IL11RA: variants seen among roughly 807,000 people sequenced by gnomAD.
IL11RA encodes the protein interleukin-11 receptor subunit alpha.
IL11RA carries 51 observed loss-of-function variants against 57.0 expected under a neutral mutation model. That is an observed-to-expected ratio of 0.89 (90% CI 0.71 to 1.13). IL11RA has a LOEUF of 1.13. IL11RA is among the 50% of genes most tolerant of loss of function. The pLI is 0.00. For synonymous variants in IL11RA, 199 were observed against 217.5 expected, an observed-to-expected ratio of 0.91 and a Z score of 0.75; for missense variants, 498 against 539.4, an observed-to-expected ratio of 0.92 and a Z score of 0.76.
Position 34,658,611 on chromosome 9 carries a change from G to C in IL11RA, c.738G>C (p.Trp246Cys). The C allele has an allele frequency of 1.2e-6, 2 of 1,614,090 alleles. No individual in the cohort carries two copies. Among genetic ancestry groups the C allele is most frequent in the Non-Finnish European group, 1.7e-6 (2 of 1,180,034 alleles). The stretch of plus-strand genomic sequence containing the variant: ...CCAGCTGGACATACCCTGCCTCCTG[G>C]CCGTGCCAGCCCCACTTCCTGCTCA... ...LRASWTYPAS[W>C]PCQPHFLLKF... The change falls in exon 8 of 13, where the codon TGG becomes TGC. Residue 246 changes from tryptophan (W) to cysteine (C), a missense_variant. Physicochemically the swap from Trp to Cys is radical, Grantham distance 215. Transcript: ENST00000441545. The surrounding 1 kb of genome is among the most constrained non-coding windows in gnomAD (Gnocchi z 4.0).
chr9:34,655,351 C>G (rs780732159), intron 2 of IL11RA, 34 bp downstream of exon 2: 3 of 1,309,824 alleles, frequency 2.3e-6, no homozygotes, highest in Non-Finnish European at 3.3e-6. Context: ...CCTCCCAACT[C>G]TGACTTGTGA....
At chr9:34,657,357 G>A (rs990584599) in intron 6 of IL11RA, 22 bp downstream of exon 6, 2 of 1,614,108 alleles carry the variant, frequency 1.2e-6, no homozygotes, top group Non-Finnish European at 8.5e-7. Context: ...GGGAGCATGT[G>A]GGGGCTCCAG....
intron 12 of IL11RA, 122 bp from the exon 13 acceptor site, chr9:34,661,359 TG>T: frequency 9.6e-7 from 1 of 1,037,580 alleles, no homozygotes; most frequent in Non-Finnish European, 1.5e-6. Flanking sequence ...CCCTCAGAGC[TG>T]GGCTCCTCTA....
At position 34,655,329 on chromosome 9, in the gene IL11RA, C is replaced by G. The variant is rs376681306; in HGVS notation, c.100+12C>G. The G allele has an allele frequency of 3.2e-5, 47 of 1,468,402 alleles. No homozygotes were observed. The Admixed American group carries it at 6.8e-4, about 21-fold the overall frequency. The allele number at this position is 1,468,402 out of a possible 1,614,324, so 91.0% of individuals were successfully genotyped here. ...CTGGGGCCCCCCAGGTGAGAAGAAC[C>G]CTGCTCTACAACCTCCCAACTCTGA... is the stretch of plus-strand genomic sequence containing the variant. On this transcript the variant is annotated intron_variant, in intron 2 of 12. Coordinates refer to ENST00000441545, the MANE Select transcript of IL11RA (RefSeq NM_001142784.3).
At position 34,660,362 on chromosome 9, in the gene IL11RA, G is replaced by A. The variant is rs1821430812; in HGVS notation, c.1041G>A (p.Arg347=). Reference sequence around the variant, plus strand: ...AGGTGGACAGCCCTGCTCCTCCAAGGCCCTCCCTCCAACCACACCCTCGGC... The same window carrying A: ...AGGTGGACAGCCCTGCTCCTCCAAGACCCTCCCTCCAACCACACCCTCGGC... ...EPQVDSPAPP[R]PSLQPHPRLL... Residue 347 remains arginine, a synonymous_variant, in exon 10 of 13, where the codon AGG becomes AGA. Transcript: ENST00000441545. 2.5e-6 allele frequency: 4 copies of A among 1,614,014 alleles called. No individual in the cohort carries two copies. The African/African-American group carries it at 5.3e-5, about 22-fold the overall frequency.
In IL11RA at chr9:34,658,435, C is replaced by G; in HGVS notation, c.647-85C>G. 3.7e-6 allele frequency: 5 copies of G among 1,368,040 alleles called. No individual in the cohort carries two copies. The highest frequency in any genetic ancestry group is 4.6e-5 in the East Asian group (2 of 43,724). The allele number at this position is 1,368,040 out of a possible 1,614,324, so 84.7% of individuals were successfully genotyped here. A position where few individuals can be genotyped will look rare whatever the true frequency, so the allele number is the denominator to read the frequency against. On this transcript the variant is annotated intron_variant, in intron 7 of 12. Transcript: ENST00000441545. This position sits in a 1 kb window ranked among gnomAD's most constrained non-coding sequence, Gnocchi z 4.0. ...CCCTCTCAGGAGTGTCTGGCTAAGGCTCCTTTAAACACACACTTTGGGAAG... is the reference window on the plus strand; with the variant it reads ...CCCTCTCAGGAGTGTCTGGCTAAGGGTCCTTTAAACACACACTTTGGGAAG...
chr9:34,656,995 T>G (rs111658229), intron 4 of IL11RA, 40 bp from the exon 5 acceptor site: 1 of 1,606,600 alleles, frequency 6.2e-7, no homozygotes. Flanking sequence ...CAGGAGGACC[T>G]GAGGACTGCT....
chr9:34,656,582 G>A (rs1821347112), intron 3 of IL11RA, among the ~76,000 whole-genome samples, 157 bp from the exon 4 acceptor site: 1 of 152,260 alleles, frequency 6.6e-6, no homozygotes, highest in African/African-American at 2.4e-5. Flanking sequence ...AAGAAGGAAA[G>A]GAAGGCAAGG....
At position 34,656,965 on chromosome 9, in the gene IL11RA, C is replaced by T. The variant is rs1244391479; in HGVS notation, c.331+57C>T. Reference sequence around the variant, plus strand: ...TAGGGATCCTGAGGGAGTATGGGACCTAAGTAAGCCCTCTGGGACCAGGAG... The same window carrying T: ...TAGGGATCCTGAGGGAGTATGGGACTTAAGTAAGCCCTCTGGGACCAGGAG... On this transcript the variant is annotated intron_variant, in intron 4 of 12. Transcript: ENST00000441545. 10 of 1,610,728 alleles carry T rather than the reference C, an allele frequency of 6.2e-6. No homozygotes were observed. In the East Asian group the frequency reaches 2.0e-4, roughly 32 times the overall value.
In IL11RA at chr9:34,658,674, C is replaced by G. The variant is rs142270930; in HGVS notation, c.801C>G (p.Ala267=). 7.4e-6 allele frequency: 12 copies of G among 1,612,792 alleles called. No individual in the cohort carries two copies. The highest frequency in any genetic ancestry group is 2.7e-5 in the African/African-American group (2 of 74,938). The part of the protein sequence containing the change: ...RLQYRPAQHP[A]WSTVEPAGLE... Reference sequence around the variant, plus strand: ...AGTACCGTCCGGCGCAGCATCCAGCCTGGTCCACGGTGAGGCCTGGAGTGC... The same window carrying G: ...AGTACCGTCCGGCGCAGCATCCAGCGTGGTCCACGGTGAGGCCTGGAGTGC... Residue 267 remains alanine (A), a synonymous_variant, in exon 8 of 13, where the codon GCC becomes GCG. Coordinates refer to ENST00000441545, the MANE Select transcript of IL11RA (RefSeq NM_001142784.3). The surrounding 1 kb of genome is among the most constrained non-coding windows in gnomAD (Gnocchi z 4.0).
At position 34,653,508 on chromosome 9, in the gene IL11RA, G is replaced by T. The variant is rs573749229; in HGVS notation, c.-1+1275G>T. ...CCTTCCCCTGGAAGCACAGCCAGCT[G>T]TACCCTAAGGAAACATTTGGTGAGG... On this transcript the variant is annotated intron_variant, in intron 1 of 12. Transcript: ENST00000441545. This position sits in a 1 kb window ranked among gnomAD's most constrained non-coding sequence, Gnocchi z 4.5. Among the ~76,000 whole-genome samples the T allele has an allele frequency of 1.3e-5, 2 of 152,312 alleles. No individual in the cohort carries two copies. Among genetic ancestry groups the T allele is most frequent in the African/African-American group, 4.8e-5 (2 of 41,558 alleles).
chr9:34,654,509 C>A (rs1444944201), intron 1 of IL11RA, among the ~76,000 whole-genome samples: 1 of 152,010 alleles, frequency 6.6e-6, no homozygotes, highest in Non-Finnish European at 1.5e-5. Context: ...CCTCTGGCAG[C>A]AGCCAGGGCA....
Position 34,655,295 on chromosome 9 carries a change from C to A in IL11RA, c.78C>A (p.Cys26Ter). Residue 26 changes from cysteine (C) to a stop codon, truncating the protein, a stop_gained, in exon 2 of 13, where the codon TGC becomes TGA. Coordinates refer to ENST00000441545, the MANE Select transcript of IL11RA (RefSeq NM_001142784.3). LOFTEE classifies it high-confidence loss of function. ...CCCTGGTGTCTGCCTCCTCCCCCTGCCCCCAGGCCTGGGGCCCCCCAGGTG... is the reference window on the plus strand; with the variant it reads ...CCCTGGTGTCTGCCTCCTCCCCCTGACCCCAGGCCTGGGGCCCCCCAGGTG... ...ATALVSASSP[C>*]PQAWGPPGVQ... 2 of 1,606,744 alleles carry A rather than the reference C, an allele frequency of 1.2e-6. No individual in the cohort carries two copies. Among genetic ancestry groups the A allele is most frequent in the Non-Finnish European group, 1.7e-6 (2 of 1,174,908 alleles).
chr9:34,655,639 G>A lies in IL11RA; in HGVS notation c.135G>A (p.Lys45=). The A allele has an allele frequency of 6.2e-7, 1 of 1,614,152 alleles. No individual in the cohort carries two copies. The highest frequency in any genetic ancestry group is 1.1e-5 in the South Asian group (1 of 91,078). The change falls in exon 3 of 13, where the codon AAG becomes AAA. Residue 45 remains lysine, a synonymous_variant. Transcript: ENST00000441545. ...ATGGGCAGCCAGGCAGGTCCGTGAA[G>A]CTGTGTTGTCCTGGAGTGACTGCCG... ...VQYGQPGRSV[K]LCCPGVTAGD...
At chr9:34,659,436 A>G (rs1035828614) in intron 8 of IL11RA, among the ~76,000 whole-genome samples, 1 of 152,174 alleles carries the variant, frequency 6.6e-6, no homozygotes, top group Non-Finnish European at 1.5e-5. Flanking sequence ...CTTTTTGCAT[A>G]CATTGTTTTG....
intron 3 of IL11RA, among the ~76,000 whole-genome samples, chr9:34,656,143 T>C (rs1821339839): frequency 6.6e-6 from 1 of 151,238 alleles, no homozygotes; most frequent in Non-Finnish European, 1.5e-5. Flanking sequence ...GCAATTCTCC[T>C]GCCTCAGCCT....
intron 9 of IL11RA, 91 bp from the exon 10 acceptor site, chr9:34,660,183 G>T: frequency 6.3e-7 from 1 of 1,593,684 alleles, no homozygotes; most frequent in South Asian, 1.1e-5. Flanking sequence ...TAGGTACCTT[G>T]ACTTCCAACC....
In IL11RA at chr9:34,661,507, G is replaced by A. The variant is rs1821456190; in HGVS notation, c.*9G>A. The A allele has an allele frequency of 6.2e-7, 1 of 1,613,770 alleles. No individual in the cohort carries two copies. Among genetic ancestry groups the A allele is most frequent in the South Asian group, 1.1e-5 (1 of 91,070 alleles). ...GAGCTCCAAACCTGTAGAGGACCCA[G>A]GAGGGCTTCGGCAGATTCCACCTAT... On this transcript the variant is annotated 3_prime_UTR_variant, in exon 13 of 13. Transcript: ENST00000441545.
intron 2 of IL11RA, 70 bp downstream of exon 2, chr9:34,655,387 C>G: frequency 1.0e-6 from 1 of 1,001,102 alleles, no homozygotes; most frequent in Admixed American, 1.9e-5. Context: ...GTGGCCCCTT[C>G]CCATGCCTAA....
Sources: allele counts gnomAD v4.1 joint callset (sites outside exome capture counted in the v4.1 genomes callset), GRCh38; gene constraint gnomAD v4.1.1; non-coding constraint Gnocchi (gnomAD v3.1); transcripts MANE v1.5; gene names NCBI Gene and HGNC (gene_info 2026-07-23, HGNC 2026-07-21).